Variants in RIT2 observed in about 807,000 individuals in gnomAD.
RIT2 encodes the protein GTP-binding protein Rit2.
In RIT2, 24 loss-of-function variants were observed where a neutral mutation model predicts 23.7. The observed-to-expected ratio is 1.01, with a 90% CI of 0.73 to 1.43. The LOEUF (loss-of-function observed/expected upper bound fraction) is 1.43. Ranked by LOEUF, RIT2 falls within the 40% of genes most tolerant of loss-of-function variation. The pLI is 0.00. For missense variants in RIT2, 236 were observed against 266.9 expected (o/e 0.88, Z 0.81); for synonymous variants, 107 against 91.1 (o/e 1.17, Z -0.99).
At chr18:42,844,680 T>C (rs1906859778) in intron 4 of RIT2, among the ~76,000 whole-genome samples, 1 of 151,966 alleles carries the variant, frequency 6.6e-6, no homozygotes, top group Non-Finnish European at 1.5e-5. Flanking sequence ...GGGCGGGCAG[T>C]ATGTAGTTTT....
At chr18:42,971,221 C>T (rs1199647348) in intron 3 of RIT2, among the ~76,000 whole-genome samples, 2 of 151,930 alleles carry the variant, frequency 1.3e-5, no homozygotes, top group Non-Finnish European at 2.9e-5. Context: ...CTGTTTCCTA[C>T]AGGGAACATA....
chr18:42,913,912 C>G (rs1273493510), intron 4 of RIT2, among the ~76,000 whole-genome samples: 2 of 151,998 alleles, frequency 1.3e-5, no homozygotes, highest in Non-Finnish European at 2.9e-5. Context: ...TCAATTTAGC[C>G]ATTTCACCAT....
intron 4 of RIT2, among the ~76,000 whole-genome samples, chr18:42,770,675 T>TTTTC (rs1406674097): frequency 6.6e-6 from 1 of 152,178 alleles, no homozygotes; most frequent in Non-Finnish European, 1.5e-5. Flanking sequence ...CAATATTAAA[T>TTTTC]TTTCTACTTT....
At chr18:42,755,125 AAT>A (rs1359717475) in intron 4 of RIT2, among the ~76,000 whole-genome samples, 1 of 152,150 alleles carries the variant, frequency 6.6e-6, no homozygotes, top group Non-Finnish European at 1.5e-5. Flanking sequence ...ACTCCCAATA[AAT>A]ATGTTTTTGG....
chr18:42,967,894 C>CT (rs567162121), intron 3 of RIT2, among the ~76,000 whole-genome samples: 234 of 151,762 alleles, frequency 1.5e-3, no homozygotes, highest in African/African-American at 5.3e-3. Context: ...ATAATTTCAT[C>CT]TTTTTTCTAT....
In RIT2 at chr18:42,743,227, T is replaced by C. The variant is rs978997264; in HGVS notation, c.*266A>G. On this transcript the variant is annotated 3_prime_UTR_variant, in exon 5 of 5. Transcript: ENST00000326695. Reference sequence around the variant, plus strand: ...TGAAGCTAGACTCTTTAAAGGGAAATGAGGCAATTGGAATGTCAATTTTAT... The same window carrying C: ...TGAAGCTAGACTCTTTAAAGGGAAACGAGGCAATTGGAATGTCAATTTTAT... 4 of 417,908 alleles carry C rather than the reference T, an allele frequency of 9.6e-6. No homozygotes were observed. The highest frequency in any genetic ancestry group is 1.7e-5 in the Non-Finnish European group (4 of 231,810). The allele number at this position is 417,908 out of a possible 1,614,324, so 25.9% of individuals were successfully genotyped here.
intron 2 of RIT2, among the ~76,000 whole-genome samples, chr18:42,974,680 C>T (rs936410623): frequency 2.6e-5 from 4 of 152,036 alleles, no homozygotes; most frequent in Non-Finnish European, 5.9e-5. Flanking sequence ...CTAAAGATTA[C>T]ATACATGCAA....
At chr18:43,051,920 C>T (rs1912392799) in intron 1 of RIT2, among the ~76,000 whole-genome samples, 1 of 152,114 alleles carries the variant, frequency 6.6e-6, no homozygotes, top group Middle Eastern at 3.2e-3. Flanking sequence ...GGACCCTTTT[C>T]CACTCCCTAT....
chr18:42,984,223 T>G (rs1342987556), intron 2 of RIT2, among the ~76,000 whole-genome samples: 2 of 152,092 alleles, frequency 1.3e-5, no homozygotes, highest in Admixed American at 1.3e-4. Flanking sequence ...TACTGTTGAA[T>G]AATAAAAAAG....
intron 3 of RIT2, among the ~76,000 whole-genome samples, chr18:42,965,413 C>T (rs1470972739): frequency 6.6e-6 from 1 of 152,146 alleles, no homozygotes; most frequent in Non-Finnish European, 1.5e-5. Context: ...GCCTCTGCTT[C>T]ATGATACAAC....
chr18:42,749,948 C>T (rs1913008204), intron 4 of RIT2, among the ~76,000 whole-genome samples: 1 of 151,666 alleles, frequency 6.6e-6, no homozygotes, highest in South Asian at 2.1e-4. Flanking sequence ...CAAACAAAAA[C>T]ACTGAAAGCA....
At chr18:43,002,205 G>A (rs1450040732) in intron 2 of RIT2, among the ~76,000 whole-genome samples, 1 of 151,966 alleles carries the variant, frequency 6.6e-6, no homozygotes, top group African/African-American at 2.4e-5. Flanking sequence ...GGAGTTCAAT[G>A]TTTGAGGGCA....
chr18:43,106,547 G>A (rs1913827188), intron 1 of RIT2, among the ~76,000 whole-genome samples: 1 of 152,150 alleles, frequency 6.6e-6, no homozygotes, highest in Non-Finnish European at 1.5e-5. Flanking sequence ...TTCAATTAAA[G>A]ATTTTTTCCT....
At chr18:42,965,510 T>C (rs1910195545) in intron 3 of RIT2, among the ~76,000 whole-genome samples, 1 of 152,148 alleles carries the variant, frequency 6.6e-6, no homozygotes, top group Non-Finnish European at 1.5e-5. Flanking sequence ...TAGAATGTAA[T>C]ATTGTCATTC....
intron 4 of RIT2, among the ~76,000 whole-genome samples, chr18:42,843,416 A>G (rs1183682641): frequency 6.6e-6 from 1 of 152,200 alleles, no homozygotes; most frequent in Non-Finnish European, 1.5e-5. Context: ...TGATCTCAGG[A>G]TCATAATTTA....
chr18:42,816,756 C>T (rs1439133008), intron 4 of RIT2, among the ~76,000 whole-genome samples: 1 of 152,102 alleles, frequency 6.6e-6, no homozygotes, highest in Non-Finnish European at 1.5e-5. Context: ...TTTGAATGGA[C>T]TCCATTATAG....
chr18:43,019,914 C>A (rs1374262279), intron 2 of RIT2, among the ~76,000 whole-genome samples: 1 of 150,954 alleles, frequency 6.6e-6, no homozygotes, highest in Non-Finnish European at 1.5e-5. Flanking sequence ...AAAAAGAAAT[C>A]AAGGATTCAA....
rs549235543 is a variant in RIT2 at position 42,795,275 on chromosome 18, G to A, written c.427-51555C>T. ...AGAGGCGCGAGCAGGAACCGGGGCT[G>A]CGTGCAGTGCTTGCGGGCCAGCTGG... On this transcript the variant is annotated intron_variant, in intron 4 of 4. Transcript: ENST00000326695. 4.6e-5 allele frequency among the ~76,000 whole-genome samples: 7 copies of A among 152,334 alleles called. No individual in the cohort carries two copies. The East Asian group carries it at 7.7e-4, about 17-fold the overall frequency.
intron 4 of RIT2, among the ~76,000 whole-genome samples, chr18:42,751,575 G>T (rs940785458): frequency 2.0e-5 from 3 of 151,932 alleles, no homozygotes; most frequent in Non-Finnish European, 2.9e-5. Flanking sequence ...TTTAATAAAT[G>T]ATATAAGTGA....
Sources: gnomAD v4.1 joint callset for allele counts (sites outside exome capture counted in the v4.1 genomes callset) on GRCh38, gnomAD v4.1.1 for gene constraint, MANE v1.5 for transcripts, NCBI Gene and HGNC (gene_info 2026-07-23, HGNC 2026-07-21) for gene names.